GSK3B: variants seen among roughly 807,000 people sequenced by gnomAD.
GSK3B encodes glycogen synthase kinase-3 beta.
A neutral mutation model predicts 56.4 loss-of-function variants in GSK3B; 15 were observed. That is an observed-to-expected ratio of 0.27 (90% CI 0.18 to 0.41). GSK3B has a LOEUF of 0.41. Ranked by LOEUF, GSK3B falls within the 10% of genes least tolerant of loss-of-function variation. The pLI is 1.00. For synonymous variants in GSK3B, 181 were observed against 188.9 expected (o/e 0.96, Z 0.34); for missense variants, 300 against 513.4 (o/e 0.58, Z 4.02).
intron 1 of GSK3B, among the ~76,000 whole-genome samples, chr3:120,037,510 T>C (rs1293086817): frequency 6.6e-6 from 1 of 152,114 alleles, no homozygotes; most frequent in Non-Finnish European, 1.5e-5. Flanking sequence ...CCTAAATATA[T>C]TAAGCAAGCC....
intron 8 of GSK3B, among the ~76,000 whole-genome samples, chr3:119,864,084 T>C (rs1020751936): frequency 2.6e-5 from 4 of 152,214 alleles, no homozygotes; most frequent in Non-Finnish European, 5.9e-5. Flanking sequence ...CTATAAATGC[T>C]ACTGATTTGG....
At chr3:120,039,050 A>C (rs1237152860) in intron 1 of GSK3B, among the ~76,000 whole-genome samples, 2 of 152,270 alleles carry the variant, frequency 1.3e-5, no homozygotes, top group Non-Finnish European at 2.9e-5. Context: ...GATACCTCAC[A>C]AAAGAAGATA....
intron 2 of GSK3B, among the ~76,000 whole-genome samples, chr3:119,979,611 A>G (rs191199818): frequency 1.7e-3 from 260 of 152,288 alleles, no homozygotes; most frequent in African/African-American, 6.2e-3. Context: ...GATCAAAACT[A>G]TGAGTATATT....
intron 3 of GSK3B, among the ~76,000 whole-genome samples, chr3:119,941,478 C>T (rs753072229): frequency 1.2e-4 from 18 of 152,162 alleles, no homozygotes; most frequent in Non-Finnish European, 2.2e-4. Context: ...TTGGAGCTGA[C>T]GCCCAACATT....
At chr3:119,923,540 A>C in intron 3 of GSK3B, 57 bp from the exon 4 acceptor site, 2 of 755,514 alleles carry the variant, frequency 2.6e-6, no homozygotes, top group South Asian at 3.8e-5. Flanking sequence ...CTGGTCTTTA[A>C]ATATTCAAAT....
At chr3:119,962,500 T>C (rs1361997702) in intron 2 of GSK3B, among the ~76,000 whole-genome samples, 6 of 152,166 alleles carry the variant, frequency 3.9e-5, no homozygotes, top group African/African-American at 9.7e-5. Flanking sequence ...ATGCCCACTC[T>C]TGCCATCTAT....
chr3:119,979,958 G>C (rs570478359), intron 2 of GSK3B, among the ~76,000 whole-genome samples: 40 of 152,076 alleles, frequency 2.6e-4, no homozygotes, highest in African/African-American at 9.6e-4. Context: ...CTCACCTGAA[G>C]GTCAATAATC....
intron 3 of GSK3B, among the ~76,000 whole-genome samples, chr3:119,931,189 G>A (rs1441882195): frequency 6.6e-6 from 1 of 152,198 alleles, no homozygotes; most frequent in Non-Finnish European, 1.5e-5. Flanking sequence ...CTAATATTTT[G>A]AGAAGACCAG....
chr3:119,937,263 A>G (rs1257177398), intron 3 of GSK3B, among the ~76,000 whole-genome samples: 2 of 152,074 alleles, frequency 1.3e-5, no homozygotes, highest in Admixed American at 6.5e-5. Context: ...TTTGGACCAC[A>G]GAGGTGGATC....
intron 1 of GSK3B, among the ~76,000 whole-genome samples, chr3:120,078,047 T>C (rs2058381821): frequency 6.6e-6 from 1 of 151,900 alleles, no homozygotes; most frequent in South Asian, 2.1e-4. Context: ...ATTCAAAGAG[T>C]AGCTGAATCT....
chr3:120,002,429 G>C (rs1014485566), intron 1 of GSK3B, among the ~76,000 whole-genome samples, 190 bp from the exon 2 acceptor site: 11 of 151,408 alleles, frequency 7.3e-5, no homozygotes, highest in African/African-American at 2.2e-4. Context: ...ACCTCCGTCT[G>C]CCGGGTTCAA....
At chr3:119,951,965 A>G (rs959760421) in intron 2 of GSK3B, among the ~76,000 whole-genome samples, 14 of 152,016 alleles carry the variant, frequency 9.2e-5, no homozygotes, top group Middle Eastern at 3.4e-3. Context: ...AAAAAAAAAA[A>G]CCCAGTGAAC....
chr3:119,916,247 A>C (rs149082907), intron 4 of GSK3B, 73 bp from the exon 5 acceptor site: 1 of 1,281,812 alleles, frequency 7.8e-7, no homozygotes, highest in East Asian at 2.4e-5. Flanking sequence ...CAGTCAATAA[A>C]GTAACAGATT....
chr3:120,048,896 A>C (rs1482007518), intron 1 of GSK3B, among the ~76,000 whole-genome samples: 1 of 152,240 alleles, frequency 6.6e-6, no homozygotes, highest in Non-Finnish European at 1.5e-5. Flanking sequence ...CACTACATAA[A>C]ACAGATCATA....
rs889726395 is a variant in GSK3B at position 119,822,690 on chromosome 3, A to G, written c.*4098T>C. 20 of 228,814 alleles carry G rather than the reference A, an allele frequency of 8.7e-5. No homozygotes were observed. The highest frequency in any genetic ancestry group is 1.7e-4 in the Admixed American group (3 of 17,632). 14.2% of individuals were successfully genotyped at this position (228,814 alleles called of 1,614,324 possible). On this transcript the variant is annotated 3_prime_UTR_variant, in exon 11 of 11. Transcript: ENST00000264235. ...TTCAGTGGCTCAGGTTTCTACCAGA[A>G]AAGACAGATTTTATTGTAAAGCATA...
At chr3:120,057,182 T>TAGTA (rs2058198311) in intron 1 of GSK3B, among the ~76,000 whole-genome samples, 1 of 152,118 alleles carries the variant, frequency 6.6e-6, no homozygotes, top group African/African-American at 2.4e-5. Context: ...ACCTTCGAAC[T>TAGTA]TACTAGTAAT....
At chr3:119,945,560 C>T (rs1168428617) in intron 3 of GSK3B, among the ~76,000 whole-genome samples, 1 of 152,288 alleles carries the variant, frequency 6.6e-6, no homozygotes, top group East Asian at 1.9e-4. Context: ...CTGACTATGA[C>T]AGGAGCTTTC....
chr3:120,043,742 TC>T (rs955139257), intron 1 of GSK3B, among the ~76,000 whole-genome samples: 3 of 152,032 alleles, frequency 2.0e-5, no homozygotes, highest in Non-Finnish European at 2.9e-5. Context: ...CCATTAATAC[TC>T]CTACCTCCAC....
chr3:120,088,174 G>T (rs1407152772), intron 1 of GSK3B, among the ~76,000 whole-genome samples: 3 of 152,178 alleles, frequency 2.0e-5, no homozygotes, highest in Admixed American at 6.5e-5. Context: ...TTACAGGCGT[G>T]AGCCACCGTG....
Sources: gnomAD v4.1 joint callset for allele counts (sites outside exome capture counted in the v4.1 genomes callset) on GRCh38, gnomAD v4.1.1 for gene constraint, MANE v1.5 for transcripts, NCBI Gene and HGNC (gene_info 2026-07-23, HGNC 2026-07-21) for gene names.